Variants in EPHA6 observed in about 807,000 individuals in gnomAD.
EPHA6 encodes ephrin type-A receptor 6.
Under a neutral mutation model 112.0 loss-of-function variants are expected in EPHA6, and 50 were observed. That is an observed-to-expected ratio of 0.45 (90% CI 0.36 to 0.56). The LOEUF (loss-of-function observed/expected upper bound fraction) is 0.56. EPHA6 is among the 20% of genes least tolerant of loss of function. The probability of loss-of-function intolerance (pLI) is 0.00; values close to 1 mark genes in which losing one functional copy is unlikely to be tolerated. For missense variants in EPHA6, 1,280 were observed against 1,417.4 expected (o/e 0.90, Z 1.56); for synonymous variants, 529 against 490.7 (o/e 1.08, Z -1.03).
intron 7 of EPHA6, among the ~76,000 whole-genome samples, chr3:97,464,222 C>A (rs1036127064): frequency 1.3e-5 from 2 of 152,074 alleles, no homozygotes; most frequent in Non-Finnish European, 2.9e-5. Flanking sequence ...TGGGTCAGGT[C>A]TCTGTCGGTA....
At chr3:97,612,815 C>T (rs2093731538) in intron 13 of EPHA6, among the ~76,000 whole-genome samples, 1 of 151,986 alleles carries the variant, frequency 6.6e-6, no homozygotes. Context: ...CCTCTGTTTA[C>T]TCATCCACCT....
chr3:97,584,143 T>G (rs2093466968), intron 11 of EPHA6, among the ~76,000 whole-genome samples: 1 of 152,212 alleles, frequency 6.6e-6, no homozygotes, highest in Non-Finnish European at 1.5e-5. Context: ...GAAAACTCAA[T>G]CTGTTATTTT....
Position 97,244,217 on chromosome 3 carries a change from G to A in EPHA6, c.1536G>A (p.Met512Ile), listed in dbSNP as rs765136384. 2.9e-5 allele frequency: 47 copies of A among 1,613,038 alleles called. No individual in the cohort carries two copies. Among genetic ancestry groups the A allele is most frequent in the Non-Finnish European group, 3.7e-5 (44 of 1,179,370 alleles). The change falls in exon 5 of 18, where the codon ATG becomes ATA. Residue 512 changes from methionine to isoleucine, a missense_variant. Coordinates refer to ENST00000389672, the MANE Select transcript of EPHA6 (RefSeq NM_001080448.3). ...ATTACACCTTTGAAATAGAAGCAAT[G>A]AATGGAGTTTCTGAGTTGAGTTTTT... ...HVNYTFEIEA[M>I]NGVSELSFSP...
At chr3:97,513,049 G>C (rs755719435) in intron 10 of EPHA6, among the ~76,000 whole-genome samples, 36 of 152,066 alleles carry the variant, frequency 2.4e-4, no homozygotes, top group Admixed American at 3.3e-4. Flanking sequence ...CTATCATGAG[G>C]ACATATTTCC....
chr3:97,379,451 G>A (rs1306617738), intron 5 of EPHA6, among the ~76,000 whole-genome samples: 1 of 151,654 alleles, frequency 6.6e-6, no homozygotes, highest in Non-Finnish European at 1.5e-5. Flanking sequence ...ATTTAAAGAT[G>A]TTTAAGATTT....
chr3:97,492,578 A>AC, intron 10 of EPHA6, among the ~76,000 whole-genome samples: 1 of 120,860 alleles, frequency 8.3e-6, no homozygotes, highest in Non-Finnish European at 1.7e-5. Context: ...AAAAAAAAAA[A>AC]AAAAAAAAAA....
intron 4 of EPHA6, among the ~76,000 whole-genome samples, chr3:97,231,187 A>G (rs2078514167): frequency 6.6e-6 from 1 of 152,140 alleles, no homozygotes; most frequent in Non-Finnish European, 1.5e-5. Flanking sequence ...ATTGTTATCA[A>G]TGATCCAAAG....
chr3:96,911,357 C>A (rs563448093), intron 2 of EPHA6, among the ~76,000 whole-genome samples: 1 of 151,952 alleles, frequency 6.6e-6, no homozygotes. Flanking sequence ...TCAAGTTAAT[C>A]TCACTTTAAT....
intron 2 of EPHA6, among the ~76,000 whole-genome samples, chr3:96,877,971 A>G (rs1268397717): frequency 1.3e-5 from 2 of 150,318 alleles, no homozygotes; most frequent in East Asian, 3.9e-4. Flanking sequence ...CCTAAAGGCC[A>G]TGTTTGGGAG....
intron 14 of EPHA6, among the ~76,000 whole-genome samples, chr3:97,698,421 T>C (rs571273349): frequency 2.6e-5 from 4 of 152,318 alleles, no homozygotes; most frequent in African/African-American, 9.6e-5. Flanking sequence ...TTTTTTTTTT[T>C]TGTAAAACCG....
At chr3:97,325,625 C>T (rs2082382126) in intron 5 of EPHA6, among the ~76,000 whole-genome samples, 1 of 152,084 alleles carries the variant, frequency 6.6e-6, no homozygotes, top group South Asian at 2.1e-4. Flanking sequence ...ATGATACTCA[C>T]TCAGTGAGCC....
intron 3 of EPHA6, among the ~76,000 whole-genome samples, chr3:97,028,471 G>T (rs1199958698): frequency 6.6e-6 from 1 of 152,070 alleles, no homozygotes; most frequent in Non-Finnish European, 1.5e-5. Flanking sequence ...GGAAGTTACA[G>T]TTGCGATTAC....
At chr3:97,624,675 C>G in intron 13 of EPHA6, among the ~76,000 whole-genome samples, 1 of 151,598 alleles carries the variant, frequency 6.6e-6, no homozygotes, top group East Asian at 1.9e-4. Context: ...CCATCATCAT[C>G]AGGTCCAAGG....
chr3:97,500,780 A>G (rs942335290), intron 10 of EPHA6, among the ~76,000 whole-genome samples: 8 of 151,918 alleles, frequency 5.3e-5, no homozygotes, highest in Non-Finnish European at 1.0e-4. Flanking sequence ...CAAGCTTGAA[A>G]CCCCTAGTAT....
chr3:97,501,933 G>A (rs1225370296), intron 10 of EPHA6, among the ~76,000 whole-genome samples: 1 of 151,976 alleles, frequency 6.6e-6, no homozygotes, highest in Non-Finnish European at 1.5e-5. Context: ...AGGCTGGCAA[G>A]TCCAGTTTCT....
At chr3:96,898,985 G>A (rs563022717) in intron 2 of EPHA6, among the ~76,000 whole-genome samples, 8 of 149,588 alleles carry the variant, frequency 5.3e-5, no homozygotes, top group East Asian at 2.0e-4. Flanking sequence ...TTGAGATCGC[G>A]CCACTGCACT....
chr3:97,354,723 C>T (rs2083980943), intron 5 of EPHA6, among the ~76,000 whole-genome samples: 1 of 151,868 alleles, frequency 6.6e-6, no homozygotes, highest in African/African-American at 2.4e-5. Context: ...CTTTCCAAAC[C>T]TAGAGAAAGA....
At chr3:97,193,358 T>C (rs1320575842) in intron 3 of EPHA6, among the ~76,000 whole-genome samples, 1 of 152,108 alleles carries the variant, frequency 6.6e-6, no homozygotes, top group Non-Finnish European at 1.5e-5. Context: ...TTTTCATTTG[T>C]TTGGTTAAGT....
intron 5 of EPHA6, among the ~76,000 whole-genome samples, chr3:97,269,595 G>T (rs1371694369): frequency 6.6e-6 from 1 of 152,128 alleles, no homozygotes; most frequent in Non-Finnish European, 1.5e-5. Context: ...AACCACTTGG[G>T]TAGCTTTAAA....
Sources: gnomAD v4.1 joint callset for allele counts (sites outside exome capture counted in the v4.1 genomes callset) on GRCh38, gnomAD v4.1.1 for gene constraint, MANE v1.5 for transcripts, NCBI Gene and HGNC (gene_info 2026-07-23, HGNC 2026-07-21) for gene names.